The following CLIC5 variants were observed in gnomAD, a reference collection of about 807,000 sequenced individuals.
CLIC5 encodes the protein chloride intracellular channel protein 5.
CLIC5 carries 20 observed loss-of-function variants against 24.7 expected under a neutral mutation model. The observed-to-expected ratio is 0.81, with a 90% CI of 0.57 to 1.18. The LOEUF (loss-of-function observed/expected upper bound fraction) is 1.18. CLIC5 is among the 50% of genes most tolerant of loss of function. The pLI is 0.00. For synonymous variants in CLIC5, 159 were observed against 135.6 expected (o/e 1.17, Z -1.20); for missense variants, 341 against 326.1 (o/e 1.05, Z -0.35).
chr6:46,118,594 C>T, the CLIC5 span, among the ~76,000 whole-genome samples: 2 of 152,164 alleles, frequency 1.3e-5, no homozygotes, highest in South Asian at 2.1e-4. Flanking sequence ...TAGTGCTTTG[C>T]ACCTCATTAA....
At chr6:46,080,982 A>G (rs377693860), upstream of CLIC5, among the ~76,000 whole-genome samples, 48 of 152,310 alleles carry the variant, frequency 3.2e-4, no homozygotes, top group South Asian at 9.1e-3. Flanking sequence ...CCATCAACAA[A>G]CATTCACTAA....
At chr6:46,120,433 C>T in the CLIC5 span, among the ~76,000 whole-genome samples, 33 of 152,116 alleles carry the variant, frequency 2.2e-4, no homozygotes, top group Non-Finnish European at 4.1e-4. Flanking sequence ...CCCATCTGTA[C>T]GTCACCATCA....
At chr6:46,101,702 C>T in the CLIC5 span, among the ~76,000 whole-genome samples, 1 of 152,184 alleles carries the variant, frequency 6.6e-6, no homozygotes, top group African/African-American at 2.4e-5. Flanking sequence ...TGACATGGAA[C>T]TTCAGCAGGA....
At chr6:45,958,422 T>TTG in intron 1 of CLIC5, among the ~76,000 whole-genome samples, 1 of 8,376 alleles carries the variant, frequency 1.2e-4, no homozygotes, top group Non-Finnish European at 3.0e-4. Context: ...AAAAAGACAA[T>TTG]TATATATATA....
chr6:46,005,401 G>A lies in CLIC5; in HGVS notation c.63+10079C>T, dbSNP rs571240739. ...AACTTCTACACACCAAAGCCTGTGG[G>A]TAACCAGAGACGTGCTGCAAAGGCC... is the stretch of plus-strand genomic sequence containing the variant. On this transcript the variant is annotated intron_variant, in intron 1 of 5. Transcript: ENST00000339561. Among the ~76,000 whole-genome samples the A allele has an allele frequency of 6.4e-4, 98 of 152,314 alleles. 2 individuals carry two copies. In the South Asian group the frequency reaches 0.019, roughly 29 times the overall value.
chr6:46,078,926 C>T (rs528296409), intron 1 of CLIC5, among the ~76,000 whole-genome samples: 3 of 152,140 alleles, frequency 2.0e-5, no homozygotes, highest in South Asian at 4.2e-4. Flanking sequence ...CAGGAAAGAG[C>T]AGCATTTACA....
chr6:46,010,301 T>TTACTAATAGG (rs753768033), intron 1 of CLIC5, among the ~76,000 whole-genome samples: 4 of 152,038 alleles, frequency 2.6e-5, no homozygotes, highest in Non-Finnish European at 4.4e-5. Context: ...ATAGGCCAGA[T>TTACTAATAGG]CCATACTCAG....
Position 46,015,779 on chromosome 6 carries a change from C to T in CLIC5, c.-237G>A, listed in dbSNP as rs1766982658. The T allele has an allele frequency of 8.2e-7, 1 of 1,226,142 alleles. No homozygotes were observed. Among genetic ancestry groups the T allele is most frequent in the Admixed American group, 4.3e-5 (1 of 23,316 alleles). 76.0% of individuals were successfully genotyped at this position (1,226,142 alleles called of 1,614,324 possible). A position where few individuals can be genotyped will look rare whatever the true frequency, so the allele number is the denominator to read the frequency against. On this transcript the variant is annotated 5_prime_UTR_variant, in exon 1 of 6. Transcript: ENST00000339561. Reference sequence around the variant, plus strand: ...GGAGGCGGGGGGCCACGGGGAAAGCCGGGTTAAGGGAATGACAACAGGTCG... The same window carrying T: ...GGAGGCGGGGGGCCACGGGGAAAGCTGGGTTAAGGGAATGACAACAGGTCG...
chr6:45,928,078 G>A (rs3777562), intron 4 of CLIC5, among the ~76,000 whole-genome samples: 6,987 of 152,182 alleles, frequency 0.046, 205 homozygotes, highest in South Asian at 0.089. Flanking sequence ...GAGATGGGGT[G>A]GAGTGCCTTC....
intron 1 of CLIC5, among the ~76,000 whole-genome samples, chr6:46,071,891 G>A (rs1349631487): frequency 6.6e-6 from 1 of 152,122 alleles, no homozygotes; most frequent in African/African-American, 2.4e-5. Flanking sequence ...ATATACCATG[G>A]AATACTATGC....
intron 4 of CLIC5, among the ~76,000 whole-genome samples, chr6:45,926,918 G>A (rs1210414749): frequency 6.6e-6 from 1 of 152,176 alleles, no homozygotes; most frequent in Non-Finnish European, 1.5e-5. Context: ...AGCATTGTAT[G>A]TTCTCACGTC....
Position 46,015,708 on chromosome 6 carries a change from G to C in CLIC5, c.-166C>G. 1 of 1,276,668 alleles carries C rather than the reference G, an allele frequency of 7.8e-7. No individual in the cohort carries two copies. The highest frequency in any genetic ancestry group is 2.5e-5 in the South Asian group (1 of 39,394). The allele number at this position is 1,276,668 out of a possible 1,614,324, so 79.1% of individuals were successfully genotyped here. A position where few individuals can be genotyped will look rare whatever the true frequency, so the allele number is the denominator to read the frequency against. Reference sequence around the variant, plus strand: ...CTCCAGCCCGAGCAGCGGGGTCTGAGAGATCAGTGTCCCAGATGCTCACAT... The same window carrying C: ...CTCCAGCCCGAGCAGCGGGGTCTGACAGATCAGTGTCCCAGATGCTCACAT... On this transcript the variant is annotated 5_prime_UTR_variant, in exon 1 of 6. Coordinates refer to ENST00000339561, the MANE Select transcript of CLIC5 (RefSeq NM_016929.5).
At chr6:45,916,013 A>T (rs776987577) in intron 4 of CLIC5, among the ~76,000 whole-genome samples, 6 of 152,232 alleles carry the variant, frequency 3.9e-5, no homozygotes, top group Non-Finnish European at 7.3e-5. Context: ...AGGCAAAGCC[A>T]AGAGGGCTGT....
At chr6:45,944,574 A>T (rs993382210) in intron 3 of CLIC5, among the ~76,000 whole-genome samples, 9 of 141,506 alleles carry the variant, frequency 6.4e-5, no homozygotes, top group Middle Eastern at 4.1e-3. Context: ...AAAAAAAAAA[A>T]TTTTTCAAAA....
At chr6:45,919,065 A>G in intron 4 of CLIC5, 2 of 985,232 alleles carry the variant, frequency 2.0e-6, no homozygotes, top group African/African-American at 1.7e-5. Context: ...CAAGCTCCTA[A>G]CCTCTGGGTG....
chr6:45,914,482 G>A (rs1762944311), intron 4 of CLIC5, 73 bp from the exon 5 acceptor site: 4 of 1,403,798 alleles, frequency 2.8e-6, no homozygotes, highest in Non-Finnish European at 2.8e-6. Context: ...TCTTCAGAGT[G>A]GAGTAGCTCA....
chr6:45,950,153 T>C (rs1053213178), intron 2 of CLIC5, among the ~76,000 whole-genome samples: 1 of 152,196 alleles, frequency 6.6e-6, no homozygotes, highest in African/African-American at 2.4e-5. Flanking sequence ...AGTAAGAAGA[T>C]ACCTGAGAGA....
chr6:45,930,028 C>T (rs975331977), intron 4 of CLIC5, among the ~76,000 whole-genome samples: 3 of 151,998 alleles, frequency 2.0e-5, no homozygotes, highest in Non-Finnish European at 2.9e-5. Context: ...AGGCATGAAG[C>T]GCCTTATGAT....
the CLIC5 span, among the ~76,000 whole-genome samples, chr6:46,086,174 A>G: frequency 6.6e-6 from 1 of 152,082 alleles, no homozygotes; most frequent in South Asian, 2.1e-4. Context: ...AGGAAAGGGA[A>G]CTCCCTGACC....
Sources: allele counts gnomAD v4.1 joint callset (sites outside exome capture counted in the v4.1 genomes callset), GRCh38; gene constraint gnomAD v4.1.1; transcripts MANE v1.5; gene names NCBI Gene and HGNC (gene_info 2026-07-23, HGNC 2026-07-21).